HCN1: variants seen among roughly 807,000 people sequenced by gnomAD.
HCN1 encodes hyperpolarization activated cyclic nucleotide gated potassium channel 1.
HCN1 carries 13 observed loss-of-function variants against 78.9 expected under a neutral mutation model. The observed-to-expected ratio is 0.16, with a 90% CI of 0.11 to 0.26. The LOEUF (loss-of-function observed/expected upper bound fraction) is 0.26. Ranked by LOEUF, HCN1 falls within the 10% of genes least tolerant of loss-of-function variation. The pLI is 1.00. For synonymous variants in HCN1, 552 were observed against 455.5 expected (o/e 1.21, Z -2.70); for missense variants, 810 against 1,154.3 (o/e 0.70, Z 4.32).
intron 3 of HCN1, among the ~76,000 whole-genome samples, chr5:45,451,544 ATAAATAAATGGCACATTAATGCTT>A (rs1372960918): frequency 5.7e-4 from 87 of 152,218 alleles, no homozygotes; most frequent in African/African-American, 1.9e-3. Context: ...AAATGTAATC[ATAAATAAATGGCACATTAATGCTT>A]ACTTTTAGCT....
At chr5:45,281,814 G>C (rs1745175869) in intron 6 of HCN1, among the ~76,000 whole-genome samples, 1 of 151,548 alleles carries the variant, frequency 6.6e-6, no homozygotes, top group South Asian at 2.1e-4. Context: ...GGATGGTCTT[G>C]ATCTCCTGAC....
intron 2 of HCN1, among the ~76,000 whole-genome samples, chr5:45,599,688 T>C (rs974814920): frequency 3.3e-5 from 5 of 152,184 alleles, no homozygotes; most frequent in African/African-American, 1.2e-4. Flanking sequence ...AATAGTCGAG[T>C]TGCTTTTTAC....
chr5:45,372,971 A>C (rs1316993353), intron 4 of HCN1, among the ~76,000 whole-genome samples: 5 of 140,750 alleles, frequency 3.6e-5, no homozygotes, highest in African/African-American at 1.0e-4. Flanking sequence ...TAAAAGATAT[A>C]AAATAAATAA....
chr5:45,657,228 A>G (rs1337068718), intron 1 of HCN1, among the ~76,000 whole-genome samples: 2 of 152,158 alleles, frequency 1.3e-5, no homozygotes, highest in Admixed American at 1.3e-4. Flanking sequence ...ATAGTGAGAA[A>G]TTTTCCATCA....
intron 3 of HCN1, among the ~76,000 whole-genome samples, chr5:45,444,053 T>C (rs1397560416): frequency 2.0e-5 from 3 of 152,164 alleles, no homozygotes; most frequent in Non-Finnish European, 2.9e-5. Context: ...TCTATTTGCA[T>C]AATTTAAAAG....
intron 3 of HCN1, among the ~76,000 whole-genome samples, chr5:45,425,531 G>A (rs954739824): frequency 3.3e-5 from 5 of 152,126 alleles, no homozygotes; most frequent in Non-Finnish European, 2.9e-5. Context: ...ATATGAGGAT[G>A]GTAGTGATCG....
At chr5:45,385,376 A>G (rs1747890928) in intron 4 of HCN1, among the ~76,000 whole-genome samples, 1 of 152,082 alleles carries the variant, frequency 6.6e-6, no homozygotes, top group South Asian at 2.1e-4. Context: ...TAAAAAAAGG[A>G]AATTGATTTG....
At chr5:45,487,706 A>T (rs148420161) in intron 2 of HCN1, among the ~76,000 whole-genome samples, 22 of 152,220 alleles carry the variant, frequency 1.4e-4, no homozygotes, top group Non-Finnish European at 2.9e-4. Flanking sequence ...TATGGCTTTA[A>T]TATTTTGCAT....
chr5:45,504,164 A>G (rs1742247289), intron 2 of HCN1, among the ~76,000 whole-genome samples: 1 of 152,054 alleles, frequency 6.6e-6, no homozygotes, highest in African/African-American at 2.4e-5. Context: ...GGTTTGTTAC[A>G]TATGTATACA....
intron 1 of HCN1, among the ~76,000 whole-genome samples, chr5:45,686,182 A>C (rs565792657): frequency 6.6e-6 from 1 of 151,656 alleles, no homozygotes; most frequent in East Asian, 1.9e-4. Context: ...TGAAGCTCAG[A>C]TTCTGACCCA....
chr5:45,496,081 G>T (rs531701380), intron 2 of HCN1, among the ~76,000 whole-genome samples: 368 of 152,174 alleles, frequency 2.4e-3, no homozygotes, highest in African/African-American at 8.3e-3. Flanking sequence ...TTGTGTCTCT[G>T]CACGGCTTTG....
chr5:45,433,643 C>T (rs1740508119), intron 3 of HCN1, among the ~76,000 whole-genome samples: 1 of 152,142 alleles, frequency 6.6e-6, no homozygotes, highest in Admixed American at 6.6e-5. Context: ...CACTAAAGCA[C>T]AGCTGCTGAT....
chr5:45,520,129 C>T (rs1269714051), intron 2 of HCN1, among the ~76,000 whole-genome samples: 3 of 151,946 alleles, frequency 2.0e-5, no homozygotes, highest in African/African-American at 7.2e-5. Flanking sequence ...TAGGTTGGTC[C>T]ATTCTGTCAC....
At chr5:45,586,413 G>A (rs1339998145) in intron 2 of HCN1, among the ~76,000 whole-genome samples, 3 of 152,116 alleles carry the variant, frequency 2.0e-5, no homozygotes, top group Non-Finnish European at 2.9e-5. Flanking sequence ...TTTTCCAGGT[G>A]CCATCTGTTA....
chr5:45,299,418 T>G (rs1579790110), intron 6 of HCN1, among the ~76,000 whole-genome samples: 2 of 152,162 alleles, frequency 1.3e-5, no homozygotes, highest in South Asian at 4.1e-4. Context: ...CATCTCTCGC[T>G]CTCTGTCTCT....
At chr5:45,695,443 GC>G (rs1268161107) in intron 1 of HCN1, among the ~76,000 whole-genome samples, 3 of 152,164 alleles carry the variant, frequency 2.0e-5, no homozygotes. Context: ...AAGGAGGAGA[GC>G]CCGTCCGGGA....
At chr5:45,594,105 A>G (rs1282870785) in intron 2 of HCN1, among the ~76,000 whole-genome samples, 3 of 152,102 alleles carry the variant, frequency 2.0e-5, no homozygotes, top group Non-Finnish European at 4.4e-5. Context: ...AATTTACTAA[A>G]TGGTTTCCCT....
intron 1 of HCN1, among the ~76,000 whole-genome samples, chr5:45,690,755 GT>G (rs946564766): frequency 1.3e-5 from 2 of 151,910 alleles, no homozygotes; most frequent in African/African-American, 4.8e-5. Flanking sequence ...TTCATAGTTT[GT>G]TACTCCTTTA....
intron 2 of HCN1, among the ~76,000 whole-genome samples, chr5:45,465,538 C>T (rs1344473509): frequency 6.6e-6 from 1 of 152,032 alleles, no homozygotes; most frequent in Admixed American, 6.6e-5. Context: ...GGGTGGATCA[C>T]AAGGTCAGGA....
Sources: allele counts gnomAD v4.1 joint callset (sites outside exome capture counted in the v4.1 genomes callset), GRCh38; gene constraint gnomAD v4.1.1; transcripts MANE v1.5; gene names NCBI Gene and HGNC (gene_info 2026-07-23, HGNC 2026-07-21).